Variants in PGM5 observed in about 807,000 individuals in gnomAD.
The protein encoded by PGM5 is phosphoglucomutase-like protein 5.
In PGM5, 23 loss-of-function variants were observed where a neutral mutation model predicts 59.2. The observed-to-expected ratio is 0.39, with a 90% CI of 0.28 to 0.55. The LOEUF is 0.55. PGM5 is among the 20% of genes least tolerant of loss of function. PGM5 has a pLI of 0.66. For synonymous variants in PGM5, 214 were observed against 286.0 expected (o/e 0.75, Z 2.54); for missense variants, 574 against 748.3 (o/e 0.77, Z 2.72).
intron 7 of PGM5, among the ~76,000 whole-genome samples, chr9:68,475,331 G>A (rs868946901): frequency 1.2e-4 from 18 of 151,750 alleles, no homozygotes; most frequent in South Asian, 4.2e-4. Flanking sequence ...CACCGTGCCT[G>A]GCTAACAACT....
At chr9:68,478,024 T>C (rs1289176882) in intron 7 of PGM5, among the ~76,000 whole-genome samples, 1 of 152,236 alleles carries the variant, frequency 6.6e-6, no homozygotes. Context: ...TGTAATAACT[T>C]TCCACACATC....
chr9:68,410,990 C>T (rs1329459081), intron 6 of PGM5, among the ~76,000 whole-genome samples: 1 of 152,160 alleles, frequency 6.6e-6, no homozygotes, highest in Non-Finnish European at 1.5e-5. Context: ...AAGGCCCCAG[C>T]AGTGCAAGCT....
At chr9:68,488,104 T>C (rs1310904799) in intron 9 of PGM5, among the ~76,000 whole-genome samples, 4 of 152,186 alleles carry the variant, frequency 2.6e-5, no homozygotes, top group Non-Finnish European at 5.9e-5. Flanking sequence ...TGGGAAAGAC[T>C]GTAGCATTGA....
intron 6 of PGM5, among the ~76,000 whole-genome samples, chr9:68,435,604 C>A (rs532971200): frequency 1.8e-3 from 271 of 152,086 alleles, no homozygotes; most frequent in Non-Finnish European, 2.8e-3. Flanking sequence ...GAACTTTATC[C>A]CTTTTTATGG....
At chr9:68,473,112 C>T (rs1050757082) in intron 7 of PGM5, among the ~76,000 whole-genome samples, 1 of 152,110 alleles carries the variant, frequency 6.6e-6, no homozygotes, top group African/African-American at 2.4e-5. Flanking sequence ...ATCGATCGAT[C>T]GATCTCCATC....
chr9:68,511,892 G>T (rs1239636455), intron 10 of PGM5, among the ~76,000 whole-genome samples: 1 of 152,014 alleles, frequency 6.6e-6, no homozygotes, highest in Non-Finnish European at 1.5e-5. Context: ...GACCAAACTG[G>T]ATCTATGAGA....
chr9:68,479,891 C>G (rs1824167138), intron 8 of PGM5, among the ~76,000 whole-genome samples: 1 of 150,698 alleles, frequency 6.6e-6, no homozygotes. Flanking sequence ...CCACTGCACT[C>G]CAGCCTGGGC....
chr9:68,477,943 A>G (rs1216042286), intron 7 of PGM5, among the ~76,000 whole-genome samples: 4 of 152,248 alleles, frequency 2.6e-5, no homozygotes, highest in East Asian at 3.8e-4. Context: ...TACAACAACA[A>G]TGCCGCAAAA....
intron 10 of PGM5, among the ~76,000 whole-genome samples, chr9:68,524,345 A>G (rs1459919452): frequency 1.3e-5 from 2 of 152,314 alleles, no homozygotes; most frequent in East Asian, 3.9e-4. Context: ...TGGACAGCAA[A>G]CATCCAGAAA....
intron 2 of PGM5, among the ~76,000 whole-genome samples, chr9:68,380,686 A>G (rs1187185809): frequency 6.6e-6 from 1 of 151,840 alleles, no homozygotes; most frequent in East Asian, 1.9e-4. Context: ...AAATCTACAA[A>G]CTCTTAGCTA....
chr9:68,451,665 GA>G (rs2132070493), intron 6 of PGM5, among the ~76,000 whole-genome samples: 1 of 152,318 alleles, frequency 6.6e-6, no homozygotes, highest in South Asian at 2.1e-4. Flanking sequence ...ACAGCTCAAA[GA>G]TGGTGAAAGG....
At chr9:68,434,741 G>T (rs897528735) in intron 6 of PGM5, among the ~76,000 whole-genome samples, 1 of 151,340 alleles carries the variant, frequency 6.6e-6, no homozygotes, top group Non-Finnish European at 1.5e-5. Context: ...GGGAGTCGGA[G>T]ATCGCACCAC....
At chr9:68,524,618 T>C (rs563118080) in intron 10 of PGM5, among the ~76,000 whole-genome samples, 1 of 152,208 alleles carries the variant, frequency 6.6e-6, no homozygotes, top group East Asian at 1.9e-4. Context: ...GAACACCTCT[T>C]CTCCCACTGT....
chr9:68,420,272 T>G (rs1170855747), intron 6 of PGM5, among the ~76,000 whole-genome samples: 1 of 152,064 alleles, frequency 6.6e-6, no homozygotes, highest in East Asian at 1.9e-4. Flanking sequence ...ATTCTGTGGG[T>G]TGGAGGAGTA....
chr9:68,435,851 A>G (rs549663669), intron 6 of PGM5, among the ~76,000 whole-genome samples: 1 of 152,352 alleles, frequency 6.6e-6, no homozygotes, highest in East Asian at 1.9e-4. Flanking sequence ...TAGAAACTCC[A>G]TAAGAACAGG....
chr9:68,491,726 G>A (rs1488189741), intron 9 of PGM5, among the ~76,000 whole-genome samples: 1 of 152,174 alleles, frequency 6.6e-6, no homozygotes, highest in African/African-American at 2.4e-5. Context: ...GGGAAGCTGG[G>A]TGCAATGGCT....
chr9:68,372,386 A>G (rs1357198348), intron 1 of PGM5, among the ~76,000 whole-genome samples: 3 of 151,700 alleles, frequency 2.0e-5, no homozygotes, highest in Non-Finnish European at 2.9e-5. Context: ...CTTTGTGTCT[A>G]TTCTAGTAAG....
intron 6 of PGM5, among the ~76,000 whole-genome samples, chr9:68,395,371 G>T (rs530438483): frequency 1.0e-3 from 153 of 152,092 alleles, no homozygotes; most frequent in African/African-American, 3.5e-3. Flanking sequence ...CTGAAATTAG[G>T]TGAGCTTCCC....
intron 10 of PGM5, among the ~76,000 whole-genome samples, chr9:68,514,756 A>G (rs529490282): frequency 6.6e-6 from 1 of 152,244 alleles, no homozygotes; most frequent in Non-Finnish European, 1.5e-5. Flanking sequence ...TCTAATGCCA[A>G]ACTAAATAGG....
Sources: allele counts gnomAD v4.1 joint callset (sites outside exome capture counted in the v4.1 genomes callset), GRCh38; gene constraint gnomAD v4.1.1; transcripts MANE v1.5; gene names NCBI Gene and HGNC (gene_info 2026-07-23, HGNC 2026-07-21).